The following DCDC2 variants were observed in gnomAD, a reference collection of about 807,000 sequenced individuals.
DCDC2 encodes doublecortin domain containing 2, also known as doublecortin domain-containing protein 2.
A neutral mutation model predicts 50.2 loss-of-function variants in DCDC2; 40 were observed. That is an observed-to-expected ratio of 0.80 (90% CI 0.62 to 1.04). DCDC2 has a LOEUF of 1.04. Among genes scored for constraint, DCDC2 ranks in the 50% least tolerant of loss-of-function variants. DCDC2 has a pLI of 0.00. For synonymous variants in DCDC2, 234 were observed against 210.6 expected, an observed-to-expected ratio of 1.11 and a Z score of -0.96; for missense variants, 570 against 581.9, an observed-to-expected ratio of 0.98 and a Z score of 0.21.
At position 24,177,497 on chromosome 6, in the gene DCDC2, A is replaced by G. The variant is rs532310886; in HGVS notation, c.1326+833T>C. Among the ~76,000 whole-genome samples, 2 of 152,220 alleles carry G rather than the reference A, an allele frequency of 1.3e-5. 1 individual carries two copies. Among genetic ancestry groups the G allele is most frequent in the Non-Finnish European group, 2.9e-5 (2 of 68,044 alleles). On this transcript the variant is annotated intron_variant, in intron 9 of 9. Transcript: ENST00000378454. ...TAGTCCAAGGCCCACTTCAGCAGTTACAGCCTTGAGGGAGGTGGACCTTGA... is the reference window on the plus strand; with the variant it reads ...TAGTCCAAGGCCCACTTCAGCAGTTGCAGCCTTGAGGGAGGTGGACCTTGA...
intron 8 of DCDC2, among the ~76,000 whole-genome samples, chr6:24,183,265 T>A (rs544268867): frequency 6.6e-6 from 1 of 152,306 alleles, no homozygotes; most frequent in South Asian, 2.1e-4. Flanking sequence ...CTGAACTGTA[T>A]GTACACTTAA....
chr6:24,204,642 T>C (rs1456123669), intron 8 of DCDC2, among the ~76,000 whole-genome samples: 1 of 152,140 alleles, frequency 6.6e-6, no homozygotes, highest in East Asian at 1.9e-4. Context: ...TTAAAAATGC[T>C]TTTCTAAGTG....
At chr6:24,228,155 AAG>A (rs1676453189) in intron 7 of DCDC2, among the ~76,000 whole-genome samples, 1 of 152,244 alleles carries the variant, frequency 6.6e-6, no homozygotes, top group Admixed American at 6.5e-5. Context: ...AATGAACAAA[AAG>A]AGTTTAGCTC....
chr6:24,347,095 T>C (rs1760279553), intron 2 of DCDC2, among the ~76,000 whole-genome samples: 2 of 152,168 alleles, frequency 1.3e-5, no homozygotes, highest in Admixed American at 1.3e-4. Context: ...TTTAGGAAAA[T>C]AGAAAAATAC....
chr6:24,238,351 T>C (rs1762498040), intron 7 of DCDC2, among the ~76,000 whole-genome samples: 1 of 150,756 alleles, frequency 6.6e-6, no homozygotes, highest in African/African-American at 2.4e-5. Context: ...CAGGCTGGAG[T>C]GTGGTGGCAC....
rs1357850555 is a variant in DCDC2 at position 24,232,020 on chromosome 6, CACACACACAT to C, written c.923-26928_923-26919del. Reference sequence around the variant, plus strand: ...ATATATATATACACACACACACACACACACACACATACACACATACATACATATAACTAAA... The same window carrying C: ...ATATATATATACACACACACACACACACACACATACATACATATAACTAAA... On this transcript the variant is annotated intron_variant, in intron 7 of 9. Transcript: ENST00000378454. Among the ~76,000 whole-genome samples the C allele has an allele frequency of 8.6e-4, 92 of 106,372 alleles. 1 individual carries two copies. The highest frequency in any genetic ancestry group is 1.6e-3 in the South Asian group (5 of 3,142). The allele number at this position is 106,372 out of a possible 152,430, so 69.8% of individuals were successfully genotyped here. A position where few individuals can be genotyped will look rare whatever the true frequency, so the allele number is the denominator to read the frequency against.
In DCDC2 at chr6:24,278,201, C is replaced by A. The variant is rs200233521; in HGVS notation, c.770G>T (p.Arg257Leu). 6.8e-6 allele frequency: 11 copies of A among 1,606,364 alleles called. No individual in the cohort carries two copies. The highest frequency in any genetic ancestry group is 2.7e-5 in the African/African-American group (2 of 74,186). The change falls in exon 7 of 10, where the codon CGC (arginine) becomes CTC (leucine). Residue 257 changes from arginine (R) to leucine (L), a missense_variant. Coordinates refer to ENST00000378454, the MANE Select transcript of DCDC2 (RefSeq NM_016356.5). ...SRKSKGSGNDRHSKSTVGSSD... is the reference protein window; with the variant it reads ...SRKSKGSGNDLHSKSTVGSSD... ...GGATCCAACTGTTGACTTAGAGTGG[C>A]GATCATTTCCCTAAATGGCAAAGTA...
chr6:24,333,574 AT>A (rs1760005591), intron 2 of DCDC2, among the ~76,000 whole-genome samples: 1 of 152,160 alleles, frequency 6.6e-6, no homozygotes, highest in Admixed American at 6.6e-5. Context: ...ACCTAAATTG[AT>A]TTTCAACGTA....
At chr6:24,330,750 G>A (rs1759951048) in intron 2 of DCDC2, among the ~76,000 whole-genome samples, 2 of 152,072 alleles carry the variant, frequency 1.3e-5, no homozygotes, top group African/African-American at 4.8e-5. Flanking sequence ...GGATCCACAG[G>A]GAATGATGTT....
intron 9 of DCDC2, among the ~76,000 whole-genome samples, chr6:24,177,229 G>T (rs1936389): frequency 0.18 from 26,892 of 152,160 alleles, 2,986 homozygotes; most frequent in East Asian, 0.58. Context: ...ATAGGACTAT[G>T]ATTATCTCAC....
At chr6:24,244,870 T>C (rs899352294) in intron 7 of DCDC2, among the ~76,000 whole-genome samples, 1 of 152,188 alleles carries the variant, frequency 6.6e-6, no homozygotes, top group African/African-American at 2.4e-5. Context: ...CTGCTACAAA[T>C]ACCCAGAAAT....
the DCDC2 span, among the ~76,000 whole-genome samples, chr6:24,382,241 C>T: frequency 1.4e-3 from 220 of 152,140 alleles, no homozygotes; most frequent in African/African-American, 5.0e-3. Context: ...TTTTCTTCTG[C>T]TTGACTCTAC....
intron 8 of DCDC2, among the ~76,000 whole-genome samples, chr6:24,186,018 G>C (rs1489454553): frequency 6.6e-6 from 1 of 152,092 alleles, no homozygotes; most frequent in African/African-American, 2.4e-5. Context: ...CTCACTCTCA[G>C]TTATGTTTAT....
chr6:24,381,803 A>AAAGG, the DCDC2 span, among the ~76,000 whole-genome samples: 12,345 of 67,042 alleles, frequency 0.18, 1,563 homozygotes, highest in Non-Finnish European at 0.21. Flanking sequence ...GGAAGGAAAG[A>AAAGG]AAGGAAGGAA....
chr6:24,284,610 C>CAA (rs200440372), intron 6 of DCDC2, among the ~76,000 whole-genome samples: 65 of 100,012 alleles, frequency 6.5e-4, no homozygotes, highest in African/African-American at 1.6e-3. Context: ...GACTCTGTCT[C>CAA]AAAAAAAAAA....
intron 7 of DCDC2, among the ~76,000 whole-genome samples, chr6:24,257,565 C>T (rs1480956335): frequency 6.6e-6 from 1 of 152,138 alleles, no homozygotes; most frequent in African/African-American, 2.4e-5. Flanking sequence ...GATGATGCCA[C>T]TGTTAGTCTT....
intron 2 of DCDC2, among the ~76,000 whole-genome samples, chr6:24,333,122 C>G (rs559019994): frequency 3.9e-5 from 6 of 152,112 alleles, no homozygotes; most frequent in Non-Finnish European, 5.9e-5. Context: ...GTTCCAAACT[C>G]AAGAGAACAG....
intron 6 of DCDC2, among the ~76,000 whole-genome samples, chr6:24,284,980 A>C: frequency 6.6e-6 from 1 of 152,018 alleles, no homozygotes; most frequent in Non-Finnish European, 1.5e-5. Flanking sequence ...CTATTTGTAC[A>C]TTTGTTTACT....
chr6:24,172,286 TA>T lies in DCDC2; in HGVS notation c.*2443del, dbSNP rs1280458087. ...TAAGTCGTTATTCATCCCCTCAAAG[TA>T]GGTCACAATTGTATCTTGTCAACAA... is the stretch of plus-strand genomic sequence containing the variant. On this transcript the variant is annotated 3_prime_UTR_variant, in exon 10 of 10. Transcript: ENST00000378454. 6.6e-6 allele frequency: 1 copy of T among 152,204 alleles called. No individual in the cohort carries two copies. 9.4% of individuals were successfully genotyped at this position (152,204 alleles called of 1,614,324 possible). A position where few individuals can be genotyped will look rare whatever the true frequency, so the allele number is the denominator to read the frequency against.
Sources: allele counts gnomAD v4.1 joint callset (sites outside exome capture counted in the v4.1 genomes callset), GRCh38; gene constraint gnomAD v4.1.1; transcripts MANE v1.5; gene names NCBI Gene and HGNC (gene_info 2026-07-23, HGNC 2026-07-21).